Variants in VPS53 observed in about 807,000 individuals in gnomAD.
VPS53 encodes vacuolar protein sorting-associated protein 53 homolog.
VPS53 carries 70 observed loss-of-function variants against 107.0 expected under a neutral mutation model. The observed-to-expected ratio is 0.65, with a 90% CI of 0.54 to 0.80. The LOEUF is 0.80. Ranked by LOEUF, VPS53 falls within the 30% of genes least tolerant of loss-of-function variation. The pLI is 0.00. For synonymous variants in VPS53, 409 were observed against 393.3 expected (o/e 1.04, Z -0.47); for missense variants, 917 against 1,049.4 (o/e 0.87, Z 1.74).
Position 535,387 on chromosome 17 carries a change from C to T in VPS53, c.2015+1641G>A, listed in dbSNP as rs182612175. ...TCAATCATATGACTGAGCTGGGAGA[C>T]GCCGGGACTGGCTAAGTCAACGGAC... On this transcript the variant is annotated intron_variant, in intron 18 of 21. Transcript: ENST00000437048. Among the ~76,000 whole-genome samples the T allele has an allele frequency of 1.5e-3, 207 of 135,030 alleles. 2 individuals are homozygous for T. Among genetic ancestry groups the T allele is most frequent in the African/African-American group, 4.9e-3 (194 of 39,914 alleles). The allele number at this position is 135,030 out of a possible 152,430, so 88.6% of individuals were successfully genotyped here.
chr17:533,832 T>TCTCAAAAAA (rs1173461299), intron 18 of VPS53, among the ~76,000 whole-genome samples: 1 of 143,826 alleles, frequency 7.0e-6, no homozygotes, highest in African/African-American at 2.5e-5. Context: ...GCACATTGAG[T>TCTCAAAAAA]AAATCATAAA....
At chr17:682,055 G>A (rs1784842457) in intron 4 of VPS53, among the ~76,000 whole-genome samples, 1 of 152,194 alleles carries the variant, frequency 6.6e-6, no homozygotes, top group South Asian at 2.1e-4. Flanking sequence ...ATAGATATAT[G>A]TAATTAGAAA....
intron 10 of VPS53, among the ~76,000 whole-genome samples, chr17:626,596 T>C (rs8080970): frequency 0.026 from 4,018 of 152,172 alleles, 64 homozygotes; most frequent in East Asian, 0.07. Context: ...ATCACTTGAA[T>C]GCAGTAAATG....
chr17:631,747 G>T, intron 7 of VPS53, 119 bp from the exon 8 acceptor site: 1 of 799,380 alleles, frequency 1.3e-6, no homozygotes. Context: ...GTACAGAGAC[G>T]TCCATGAGGT....
chr17:597,065 A>T (rs1391094191), intron 12 of VPS53, among the ~76,000 whole-genome samples: 2 of 152,088 alleles, frequency 1.3e-5, no homozygotes, highest in Non-Finnish European at 2.9e-5. Context: ...CTCCTTTCAG[A>T]TGTCAGTTTT....
intron 19 of VPS53, chr17:532,228 G>C (rs964570229): frequency 6.6e-6 from 1 of 151,854 alleles, no homozygotes; most frequent in Non-Finnish European, 1.5e-5. Flanking sequence ...GATTACAGAC[G>C]TGAGCCACCA....
intron 8 of VPS53, among the ~76,000 whole-genome samples, chr17:630,580 GAA>G (rs1000625983): frequency 2.0e-5 from 3 of 152,234 alleles, no homozygotes; most frequent in African/African-American, 7.2e-5. Flanking sequence ...CACAAAATGT[GAA>G]GACATTAAAA....
intron 5 of VPS53, chr17:656,928 T>C: frequency 1.5e-6 from 2 of 1,297,010 alleles, no homozygotes; most frequent in Non-Finnish European, 2.2e-6. Context: ...GAAACTTGAG[T>C]GCCAAAGCTG....
intron 11 of VPS53, among the ~76,000 whole-genome samples, chr17:608,432 T>C (rs1465696800): frequency 6.6e-6 from 1 of 152,110 alleles, no homozygotes; most frequent in East Asian, 1.9e-4. Context: ...ACAAAAAGCC[T>C]GCGTATATGT....
intron 11 of VPS53, among the ~76,000 whole-genome samples, chr17:619,616 G>A (rs1358805111): frequency 9.3e-5 from 6 of 64,640 alleles, no homozygotes; most frequent in East Asian, 4.7e-4. Flanking sequence ...GACTACAGGC[G>A]TGCACCACCA....
chr17:712,177 C>CTTTTTT lies in VPS53; in HGVS notation c.88-1570_88-1565dup, dbSNP rs35522489. ...TTTTCATGTCTAGAGTGACTTTCGC[C>CTTTTTT]TTTTTTTTTTTTTTTTTTTTCGAGA... On this transcript the variant is annotated intron_variant, in intron 1 of 21. Transcript: ENST00000437048. Among the ~76,000 whole-genome samples the CTTTTTT allele has an allele frequency of 4.1e-5, 4 of 98,466 alleles. 1 individual carries two copies. The highest frequency in any genetic ancestry group is 4.4e-5 in the African/African-American group (1 of 22,746). 64.6% of individuals were successfully genotyped at this position (98,466 alleles called of 152,430 possible). A position where few individuals can be genotyped will look rare whatever the true frequency, so the allele number is the denominator to read the frequency against.
At chr17:567,567 C>T (rs1685402644) in intron 13 of VPS53, among the ~76,000 whole-genome samples, 1 of 151,050 alleles carries the variant, frequency 6.6e-6, no homozygotes, top group South Asian at 2.1e-4. Context: ...GTGGCATGAT[C>T]ATGGCTCACT....
At chr17:692,985 T>C (rs1391089017) in intron 4 of VPS53, among the ~76,000 whole-genome samples, 1 of 152,046 alleles carries the variant, frequency 6.6e-6, no homozygotes, top group African/African-American at 2.4e-5. Flanking sequence ...AATACAAAAA[T>C]TAGCCAGGCG....
intron 13 of VPS53, among the ~76,000 whole-genome samples, chr17:574,504 CCTGTAATCCCAG>C (rs1156523045): frequency 2.6e-5 from 4 of 152,142 alleles, no homozygotes; most frequent in South Asian, 2.1e-4. Context: ...GTGGCTCATG[CCTGTAATCCCAG>C]CACTTTGGGA....
chr17:544,086 T>G (rs116794188), intron 17 of VPS53, among the ~76,000 whole-genome samples: 247 of 152,054 alleles, frequency 1.6e-3, no homozygotes, highest in African/African-American at 5.7e-3. Context: ...GAAAGTTCAT[T>G]AGTTTTCAGG....
chr17:706,639 T>A (rs1973412870), intron 2 of VPS53, among the ~76,000 whole-genome samples: 1 of 152,178 alleles, frequency 6.6e-6, no homozygotes, highest in Non-Finnish European at 1.5e-5. Flanking sequence ...ATGAAGTCTG[T>A]GTTGGTAGAC....
chr17:643,486 C>T (rs574524886), intron 7 of VPS53, among the ~76,000 whole-genome samples: 5,801 of 147,690 alleles, frequency 0.039, 282 homozygotes, highest in African/African-American at 0.14. Flanking sequence ...AACACTCATA[C>T]TTGGAAATCA....
At chr17:551,034 T>C (rs1311129804) in intron 17 of VPS53, among the ~76,000 whole-genome samples, 1 of 152,146 alleles carries the variant, frequency 6.6e-6, no homozygotes, top group East Asian at 1.9e-4. Flanking sequence ...ACCAAGGTTT[T>C]TAGCATGTGT....
At chr17:572,450 G>A (rs1218028338) in intron 13 of VPS53, among the ~76,000 whole-genome samples, 3 of 148,114 alleles carry the variant, frequency 2.0e-5, no homozygotes, top group East Asian at 2.0e-4. Flanking sequence ...CGCCCCATCC[G>A]GGAGGTGAGG....
Sources: gnomAD v4.1 joint callset for allele counts (sites outside exome capture counted in the v4.1 genomes callset) on GRCh38, gnomAD v4.1.1 for gene constraint, MANE v1.5 for transcripts, NCBI Gene and HGNC (gene_info 2026-07-23, HGNC 2026-07-21) for gene names.